The following MAST4 variants were observed in gnomAD, a reference collection of about 807,000 sequenced individuals.
MAST4 encodes microtubule-associated serine/threonine-protein kinase 4.
In MAST4, 89 loss-of-function variants were observed where a neutral mutation model predicts 162.7. The ratio of observed to expected loss-of-function variants is 0.55; its 90% CI spans 0.46 to 0.65. The LOEUF (loss-of-function observed/expected upper bound fraction) is 0.65, where lower values mean the gene tolerates loss of function less well. Among genes scored for constraint, MAST4 ranks in the 30% least tolerant of loss-of-function variants. MAST4 has a pLI of 0.00. For synonymous variants in MAST4, 1,479 were observed against 1,361.1 expected, an observed-to-expected ratio of 1.09 and a Z score of -1.91; for missense variants, 3,153 against 3,374.0, an observed-to-expected ratio of 0.93 and a Z score of 1.62.
chr5:66,685,447 C>T (rs541465827), intron 1 of MAST4, among the ~76,000 whole-genome samples: 6 of 152,002 alleles, frequency 3.9e-5, no homozygotes, highest in Middle Eastern at 3.4e-3. Context: ...ATTAACAAAA[C>T]GTTTGCAGAA....
intron 3 of MAST4, among the ~76,000 whole-genome samples, chr5:66,878,041 G>A (rs25834): frequency 0.29 from 43,541 of 152,108 alleles, 6,446 homozygotes; most frequent in East Asian, 0.53. Context: ...AAGGAAAGTG[G>A]AAAAATCTCT....
chr5:66,639,278 T>TTGTGTG (rs70987132), intron 1 of MAST4, among the ~76,000 whole-genome samples: 4,908 of 138,664 alleles, frequency 0.035, 158 homozygotes, highest in African/African-American at 0.079. Context: ...GAGAGGCAGC[T>TTGTGTG]TGTGTGTGTG....
At chr5:66,829,710 T>TA (rs34769065) in intron 3 of MAST4, among the ~76,000 whole-genome samples, 4 of 151,654 alleles carry the variant, frequency 2.6e-5, no homozygotes, top group Admixed American at 1.3e-4. Flanking sequence ...ATTTTGATAT[T>TA]AAAAAAAATG....
chr5:66,888,974 C>G (rs1465042160), intron 3 of MAST4, among the ~76,000 whole-genome samples: 1 of 152,176 alleles, frequency 6.6e-6, no homozygotes, highest in Non-Finnish European at 1.5e-5. Flanking sequence ...TGCCACTGTT[C>G]CGTTGAAGAA....
At chr5:66,807,023 A>T (rs904718092) in intron 3 of MAST4, among the ~76,000 whole-genome samples, 6 of 152,274 alleles carry the variant, frequency 3.9e-5, no homozygotes, top group Middle Eastern at 6.8e-3. Context: ...TCTACATTAA[A>T]TTTTTAAAAA....
At chr5:66,940,008 A>G (rs959389656) in intron 4 of MAST4, among the ~76,000 whole-genome samples, 1 of 152,106 alleles carries the variant, frequency 6.6e-6, no homozygotes, top group African/African-American at 2.4e-5. Context: ...ACGAGGCTGC[A>G]GTGAGTTATG....
chr5:66,898,464 A>G (rs1196898723), intron 3 of MAST4, among the ~76,000 whole-genome samples: 1 of 147,558 alleles, frequency 6.8e-6, no homozygotes, highest in African/African-American at 2.4e-5. Context: ...GTTCCCAAGG[A>G]AAACTGTCTT....
chr5:66,869,459 A>G (rs1278723691), intron 3 of MAST4, among the ~76,000 whole-genome samples: 1 of 152,110 alleles, frequency 6.6e-6, no homozygotes, highest in African/African-American at 2.4e-5. Flanking sequence ...TTTCAAGACT[A>G]TTTCCTTGCA....
At chr5:67,001,574 G>A (rs1317026897) in intron 4 of MAST4, 2 of 152,170 alleles carry the variant, frequency 1.3e-5, no homozygotes, top group Non-Finnish European at 2.9e-5. Flanking sequence ...AACATATGAT[G>A]CCTGCAGATT....
intron 1 of MAST4, among the ~76,000 whole-genome samples, chr5:66,612,512 C>T (rs1554035084): frequency 6.6e-6 from 1 of 151,978 alleles, no homozygotes; most frequent in Admixed American, 6.6e-5. Flanking sequence ...TTGCAAAGGG[C>T]GTAGGAGTTG....
At chr5:66,629,582 C>T (rs916208499) in intron 1 of MAST4, among the ~76,000 whole-genome samples, 6 of 152,184 alleles carry the variant, frequency 3.9e-5, no homozygotes, top group Non-Finnish European at 8.8e-5. Flanking sequence ...TGTTTTACCA[C>T]ATTTATAGCA....
chr5:67,113,590 G>T (rs950817776), intron 11 of MAST4, among the ~76,000 whole-genome samples: 1 of 152,070 alleles, frequency 6.6e-6, no homozygotes, highest in Non-Finnish European at 1.5e-5. Context: ...AAATGGTAAC[G>T]TTGAAGTTTT....
At chr5:66,604,552 T>G (rs1201057962) in intron 1 of MAST4, among the ~76,000 whole-genome samples, 1 of 152,222 alleles carries the variant, frequency 6.6e-6, no homozygotes, top group East Asian at 1.9e-4. Context: ...TGCGGTGTTT[T>G]CAGTGGGCAG....
intron 4 of MAST4, among the ~76,000 whole-genome samples, chr5:66,926,620 A>C (rs529587464): frequency 1.3e-5 from 2 of 151,528 alleles, no homozygotes; most frequent in Non-Finnish European, 3.0e-5. Context: ...ATATGTATAT[A>C]TGTGTGTATA....
At chr5:67,073,727 C>T (rs997032277) in intron 5 of MAST4, among the ~76,000 whole-genome samples, 1 of 152,094 alleles carries the variant, frequency 6.6e-6, no homozygotes, top group East Asian at 1.9e-4. Context: ...ACATCACAAA[C>T]CACTGCAAAG....
intron 4 of MAST4, 57 bp downstream of exon 4, chr5:66,900,039 A>T: frequency 8.2e-7 from 1 of 1,219,284 alleles, no homozygotes; most frequent in East Asian, 2.7e-5. Flanking sequence ...AGTTTATAGT[A>T]TGATTCTTCT....
At chr5:66,634,900 G>A (rs552655366) in intron 1 of MAST4, among the ~76,000 whole-genome samples, 7 of 152,328 alleles carry the variant, frequency 4.6e-5, no homozygotes, top group Admixed American at 1.3e-4. Context: ...TTAGGACAGT[G>A]CTCTTCAGGG....
At chr5:66,674,973 A>G (rs1025561224) in intron 1 of MAST4, among the ~76,000 whole-genome samples, 2 of 152,208 alleles carry the variant, frequency 1.3e-5, no homozygotes, top group Non-Finnish European at 2.9e-5. Flanking sequence ...GCAGCTAAGA[A>G]CACAGCCAGC....
intron 3 of MAST4, among the ~76,000 whole-genome samples, chr5:66,847,820 C>CAAAAAAAAAAAAAAAAAAAAAAAAAA (rs777825639): frequency 9.2e-5 from 5 of 54,146 alleles, no homozygotes; most frequent in East Asian, 1.4e-3. Context: ...GACTCCTTCT[C>CAAAAAAAAAAAAAAAAAAAAAAAAAA]AAAAAAAAAA....
Sources: gnomAD v4.1 joint callset for allele counts (sites outside exome capture counted in the v4.1 genomes callset) on GRCh38, gnomAD v4.1.1 for gene constraint, MANE v1.5 for transcripts, NCBI Gene and HGNC (gene_info 2026-07-23, HGNC 2026-07-21) for gene names.